Variants in DACH1 observed in about 807,000 individuals in gnomAD.
DACH1 encodes the protein dachshund family transcription factor 1.
In DACH1, 12 loss-of-function variants were observed where a neutral mutation model predicts 54.2. The observed-to-expected ratio is 0.22, with a 90% CI of 0.14 to 0.36. The LOEUF is 0.36. Among genes scored for constraint, DACH1 ranks in the 10% least tolerant of loss-of-function variants. The probability of loss-of-function intolerance (pLI) is 1.00; values close to 1 mark genes in which losing one functional copy is unlikely to be tolerated. For synonymous variants in DACH1, 386 were observed against 366.2 expected, an observed-to-expected ratio of 1.05 and a Z score of -0.62; for missense variants, 805 against 929.8, an observed-to-expected ratio of 0.87 and a Z score of 1.75.
chr13:71,523,280 T>C lies in DACH1; in HGVS notation c.1570+33744A>G, dbSNP rs367941086. Reference sequence around the variant, plus strand: ...ATGTATTCAGAATGAAATGCCATAATGTGAAATTGCTTTTTCTCCAGCTAC... The same window carrying C: ...ATGTATTCAGAATGAAATGCCATAACGTGAAATTGCTTTTTCTCCAGCTAC... On this transcript the variant is annotated intron_variant, in intron 6 of 10. Transcript: ENST00000613252. 3.0e-4 allele frequency among the ~76,000 whole-genome samples: 46 copies of C among 152,250 alleles called. No homozygotes were observed. In the South Asian group the frequency reaches 8.9e-3, roughly 29 times the overall value.
chr13:71,663,368 AAG>A (rs1276338272), intron 2 of DACH1, among the ~76,000 whole-genome samples: 2 of 152,068 alleles, frequency 1.3e-5, no homozygotes, highest in East Asian at 1.9e-4. Context: ...AATAAAACAT[AAG>A]AGAAAAAAAT....
chr13:71,675,145 A>G, intron 2 of DACH1: 1 of 1,580,276 alleles, frequency 6.3e-7, no homozygotes, highest in Non-Finnish European at 8.7e-7. Context: ...AGCCGCTCGC[A>G]AGAGTGCGCC....
intron 1 of DACH1, among the ~76,000 whole-genome samples, chr13:71,785,006 A>T (rs1483114397): frequency 6.6e-6 from 1 of 152,172 alleles, no homozygotes; most frequent in Non-Finnish European, 1.5e-5. Flanking sequence ...ACATATAAAA[A>T]TATATAATGG....
intron 6 of DACH1, among the ~76,000 whole-genome samples, chr13:71,509,433 T>C (rs1880587770): frequency 2.0e-5 from 3 of 152,030 alleles, no homozygotes; most frequent in African/African-American, 4.8e-5. Context: ...AGATGAAAGG[T>C]GAATACAACT....
chr13:71,585,567 C>T (rs1395716091), intron 3 of DACH1, among the ~76,000 whole-genome samples: 6 of 152,058 alleles, frequency 3.9e-5, no homozygotes, highest in African/African-American at 1.4e-4. Flanking sequence ...TGCAGTGAGG[C>T]GAAGACATAC....
At chr13:71,768,400 C>A (rs1017284917) in intron 1 of DACH1, among the ~76,000 whole-genome samples, 2 of 152,072 alleles carry the variant, frequency 1.3e-5, no homozygotes, top group East Asian at 1.9e-4. Context: ...AAAGTTCATG[C>A]TTTATTCTTA....
intron 2 of DACH1, among the ~76,000 whole-genome samples, chr13:71,666,530 T>A (rs771500291): frequency 1.3e-5 from 2 of 152,172 alleles, no homozygotes; most frequent in Non-Finnish European, 2.9e-5. Flanking sequence ...ATGCTACTTA[T>A]GAAATGCTAA....
chr13:71,449,030 C>T (rs1412252037), intron 10 of DACH1, among the ~76,000 whole-genome samples: 5 of 152,192 alleles, frequency 3.3e-5, no homozygotes, highest in Non-Finnish European at 5.9e-5. Flanking sequence ...ACTCCAAATA[C>T]ACCACAATAA....
At chr13:71,464,638 T>G (rs781123471) in intron 10 of DACH1, 4 of 448,840 alleles carry the variant, frequency 8.9e-6, no homozygotes, top group South Asian at 6.4e-5. Context: ...ATGAAGACAA[T>G]TAAGGGAACC....
At chr13:71,797,675 G>C (rs1446110812) in intron 1 of DACH1, among the ~76,000 whole-genome samples, 1 of 152,016 alleles carries the variant, frequency 6.6e-6, no homozygotes, top group African/African-American at 2.4e-5. Context: ...TATTGTGTCA[G>C]GTTGATTTAT....
At chr13:71,659,399 C>T (rs550875911) in intron 2 of DACH1, among the ~76,000 whole-genome samples, 1 of 152,098 alleles carries the variant, frequency 6.6e-6, no homozygotes, top group African/African-American at 2.4e-5. Flanking sequence ...AGTAATTATA[C>T]CACTGTATTT....
intron 9 of DACH1, 140 bp from the exon 10 acceptor site, chr13:71,475,349 T>C (rs1262074115): frequency 1.3e-6 from 1 of 758,374 alleles, no homozygotes; most frequent in Non-Finnish European, 2.2e-6. Context: ...GAACAAAAAC[T>C]GTAACCGTAA....
intron 5 of DACH1, among the ~76,000 whole-genome samples, chr13:71,559,597 T>A (rs1025910328): frequency 2.0e-5 from 3 of 152,170 alleles, no homozygotes; most frequent in African/African-American, 7.2e-5. Context: ...AATCTTTATA[T>A]GTGGCATCAA....
At chr13:71,664,743 G>A (rs1434671376) in intron 2 of DACH1, among the ~76,000 whole-genome samples, 2 of 151,998 alleles carry the variant, frequency 1.3e-5, no homozygotes, top group African/African-American at 4.8e-5. Context: ...AGCATGGTAG[G>A]ATTATGAGTG....
Position 71,866,819 on chromosome 13 carries a change from C to T in DACH1, c.-50G>A, listed in dbSNP as rs1412289289. 1.1e-5 allele frequency: 14 copies of T among 1,282,856 alleles called. No individual in the cohort carries two copies. In the East Asian group the frequency reaches 3.8e-4, roughly 35 times the overall value. The allele number at this position is 1,282,856 out of a possible 1,614,324, so 79.5% of individuals were successfully genotyped here. ...GGAGGAGAAGCGAGAGGAAAAGTTG[C>T]CACACACCCCCGGGAGGGGAAGGGG... On this transcript the variant is annotated 5_prime_UTR_variant, in exon 1 of 11. Transcript: ENST00000613252.
At chr13:71,507,048 T>A (rs917956238) in intron 6 of DACH1, among the ~76,000 whole-genome samples, 16 of 150,786 alleles carry the variant, frequency 1.1e-4, no homozygotes, top group African/African-American at 3.7e-4. Flanking sequence ...AAGACAAAAT[T>A]GACAAATGGG....
chr13:71,812,228 T>G (rs1402901260), intron 1 of DACH1, among the ~76,000 whole-genome samples: 1 of 152,214 alleles, frequency 6.6e-6, no homozygotes, highest in Non-Finnish European at 1.5e-5. Flanking sequence ...CTCTGAAGGA[T>G]ATAAATTGAA....
intron 3 of DACH1, among the ~76,000 whole-genome samples, chr13:71,590,232 T>C (rs182818794): frequency 6.6e-6 from 1 of 152,098 alleles, no homozygotes; most frequent in Non-Finnish European, 1.5e-5. Context: ...ATTAATATAA[T>C]TAAACCAAGT....
At chr13:71,744,512 T>C (rs949909639) in intron 1 of DACH1, among the ~76,000 whole-genome samples, 1 of 152,136 alleles carries the variant, frequency 6.6e-6, no homozygotes, top group Non-Finnish European at 1.5e-5. Context: ...TGTGATGCAG[T>C]AGGGGAATTA....
Sources: allele counts gnomAD v4.1 joint callset (sites outside exome capture counted in the v4.1 genomes callset), GRCh38; gene constraint gnomAD v4.1.1; transcripts MANE v1.5; gene names NCBI Gene and HGNC (gene_info 2026-07-23, HGNC 2026-07-21).